Variants in GRIK4 observed in about 807,000 individuals in gnomAD.
GRIK4 encodes the protein glutamate receptor ionotropic, kainate 4.
A neutral mutation model predicts 104.9 loss-of-function variants in GRIK4; 40 were observed. That is an observed-to-expected ratio of 0.38 (90% CI 0.30 to 0.50). GRIK4 has a LOEUF of 0.50. Ranked by LOEUF, GRIK4 falls within the 20% of genes least tolerant of loss-of-function variation. GRIK4 has a pLI of 0.93. For missense variants in GRIK4, 1,047 were observed against 1,308.1 expected (o/e 0.80, Z 3.08); for synonymous variants, 485 against 524.9 (o/e 0.92, Z 1.04).
intron 12 of GRIK4, among the ~76,000 whole-genome samples, chr11:120,901,060 T>A (rs1305120507): frequency 3.9e-5 from 6 of 152,100 alleles, no homozygotes; most frequent in African/African-American, 1.2e-4. Context: ...CCCCTCTACT[T>A]CTTTCTCTGG....
At chr11:120,627,082 C>T (rs534570731) in intron 1 of GRIK4, among the ~76,000 whole-genome samples, 8 of 152,286 alleles carry the variant, frequency 5.3e-5, no homozygotes, top group South Asian at 2.1e-4. Context: ...TTGAGAGCCC[C>T]GGTCTGTGTG....
chr11:120,744,078 C>T (rs3133224), intron 3 of GRIK4, among the ~76,000 whole-genome samples: 15,272 of 152,144 alleles, frequency 0.1, 898 homozygotes, highest in South Asian at 0.22. Context: ...ATAATTCTCC[C>T]GGCACCCCGG....
At chr11:120,868,535 G>GGC (rs1555081795) in intron 9 of GRIK4, 10 of 151,976 alleles carry the variant, frequency 6.6e-5, no homozygotes, top group African/African-American at 2.4e-4. Flanking sequence ...GGAAATGGGG[G>GGC]GGGGGGCGGT....
chr11:120,774,917 T>A (rs1952011904), intron 3 of GRIK4, among the ~76,000 whole-genome samples: 1 of 152,178 alleles, frequency 6.6e-6, no homozygotes, highest in Non-Finnish European at 1.5e-5. Flanking sequence ...GAGGGCCTAC[T>A]GATGCGGCAT....
intron 3 of GRIK4, among the ~76,000 whole-genome samples, chr11:120,703,073 A>T (rs554353264): frequency 5.3e-5 from 8 of 152,282 alleles, no homozygotes; most frequent in Non-Finnish European, 1.0e-4. Flanking sequence ...AACTTTCTCG[A>T]TGATGGCAAT....
intron 1 of GRIK4, among the ~76,000 whole-genome samples, chr11:120,547,978 G>T (rs61900897): frequency 6.6e-6 from 1 of 152,076 alleles, no homozygotes; most frequent in Non-Finnish European, 1.5e-5. Context: ...GTGACTCAGA[G>T]GGTGGCTGTG....
chr11:120,913,794 T>G (rs1304650642), intron 13 of GRIK4, among the ~76,000 whole-genome samples: 11 of 146,656 alleles, frequency 7.5e-5, no homozygotes, highest in Non-Finnish European at 1.3e-4. Flanking sequence ...AGAGGCCTGG[T>G]GGGTCAGGCT....
At chr11:120,928,978 T>C (rs1254434015) in intron 13 of GRIK4, among the ~76,000 whole-genome samples, 13 of 148,450 alleles carry the variant, frequency 8.8e-5, no homozygotes, top group African/African-American at 3.3e-4. Flanking sequence ...TGTGTGTGTG[T>C]GTGTGTGTGT....
At chr11:120,889,331 A>G (rs542540981) in intron 11 of GRIK4, among the ~76,000 whole-genome samples, 1 of 152,276 alleles carries the variant, frequency 6.6e-6, no homozygotes, top group East Asian at 1.9e-4. Flanking sequence ...AACTCTAACA[A>G]TCTCAGTTTA....
At chr11:120,787,952 G>A (rs1414810674) in intron 3 of GRIK4, among the ~76,000 whole-genome samples, 1 of 133,578 alleles carries the variant, frequency 7.5e-6, no homozygotes, top group Non-Finnish European at 1.5e-5. Context: ...AGCAACCTCC[G>A]CCTCCCAGGT....
chr11:120,760,416 TATATAAACATATATATAC>T (rs1043311571), intron 3 of GRIK4, among the ~76,000 whole-genome samples: 11 of 125,524 alleles, frequency 8.8e-5, no homozygotes, highest in African/African-American at 3.6e-4. Flanking sequence ...TAGATATACA[TATATAAACATATATATAC>T]ATATATATAT....
chr11:120,640,664 T>C (rs1197871349), intron 1 of GRIK4, among the ~76,000 whole-genome samples: 1 of 152,222 alleles, frequency 6.6e-6, no homozygotes, highest in Non-Finnish European at 1.5e-5. Flanking sequence ...GTTTCCTGCC[T>C]TCTTTACATG....
At chr11:120,640,205 A>G (rs1174615029) in intron 1 of GRIK4, among the ~76,000 whole-genome samples, 1 of 152,226 alleles carries the variant, frequency 6.6e-6, no homozygotes, top group East Asian at 1.9e-4. Context: ...TACTGTCAGT[A>G]TATTAGTAAT....
intron 13 of GRIK4, among the ~76,000 whole-genome samples, chr11:120,910,887 T>C (rs1942975903): frequency 6.6e-6 from 1 of 152,154 alleles, no homozygotes; most frequent in Non-Finnish European, 1.5e-5. Context: ...CCTGAATCTT[T>C]AAGGATGAAG....
At chr11:120,741,175 C>T (rs1565325440) in intron 3 of GRIK4, among the ~76,000 whole-genome samples, 2 of 152,088 alleles carry the variant, frequency 1.3e-5, no homozygotes, top group Non-Finnish European at 1.5e-5. Context: ...TCACAATATC[C>T]TCCACTTTAC....
At chr11:120,935,153 G>A (rs1351609631) in intron 13 of GRIK4, among the ~76,000 whole-genome samples, 3 of 152,226 alleles carry the variant, frequency 2.0e-5, no homozygotes, top group East Asian at 3.8e-4. Context: ...TTGACAGCTG[G>A]AAAGGAGCTT....
At chr11:120,766,293 G>A (rs933711754) in intron 3 of GRIK4, among the ~76,000 whole-genome samples, 4 of 152,184 alleles carry the variant, frequency 2.6e-5, no homozygotes, top group Non-Finnish European at 4.4e-5. Context: ...AATGGCAAAC[G>A]CCCCTCCCCC....
intron 1 of GRIK4, 70 bp from the exon 2 acceptor site, chr11:120,653,615 C>G (rs1949652338): frequency 1.3e-5 from 2 of 152,242 alleles, no homozygotes; most frequent in Non-Finnish European, 2.9e-5. Context: ...ATACCACTCA[C>G]ATGTAAATAC....
intron 1 of GRIK4, among the ~76,000 whole-genome samples, chr11:120,573,448 A>G (rs879765341): frequency 1.0e-4 from 15 of 150,472 alleles, no homozygotes; most frequent in Non-Finnish European, 2.1e-4. Flanking sequence ...CCCCATACCC[A>G]CTCCCCACCT....
Sources: gnomAD v4.1 joint callset for allele counts (sites outside exome capture counted in the v4.1 genomes callset) on GRCh38, gnomAD v4.1.1 for gene constraint, MANE v1.5 for transcripts, NCBI Gene and HGNC (gene_info 2026-07-23, HGNC 2026-07-21) for gene names.